The following PDS5B variants were observed in gnomAD, a reference collection of about 807,000 sequenced individuals.
PDS5B encodes the protein sister chromatid cohesion protein PDS5 homolog B.
In PDS5B, 51 loss-of-function variants were observed where a neutral mutation model predicts 184.1. That is an observed-to-expected ratio of 0.28 (90% CI 0.22 to 0.35). The LOEUF (loss-of-function observed/expected upper bound fraction) is 0.35. Ranked by LOEUF, PDS5B falls within the 10% of genes least tolerant of loss-of-function variation. The pLI, the probability that PDS5B is intolerant of heterozygous loss-of-function variation, is 1.00. For synonymous variants in PDS5B, 566 were observed against 569.2 expected (o/e 0.99, Z 0.08); for missense variants, 1,180 against 1,723.3 (o/e 0.68, Z 5.58).
chr13:32,729,093 C>T (rs1270969587), intron 19 of PDS5B, among the ~76,000 whole-genome samples: 1 of 152,182 alleles, frequency 6.6e-6, no homozygotes, highest in African/African-American at 2.4e-5. Flanking sequence ...CTCTCCCTCC[C>T]CTTGCCCCCC....
intron 3 of PDS5B, among the ~76,000 whole-genome samples, chr13:32,653,513 CT>C (rs1262377219): frequency 2.6e-5 from 4 of 152,098 alleles, no homozygotes; most frequent in Non-Finnish European, 4.4e-5. Flanking sequence ...GAGGAATGTG[CT>C]TATTTGATCA....
chr13:32,761,293 C>T (rs546545925), intron 30 of PDS5B, among the ~76,000 whole-genome samples: 47 of 152,056 alleles, frequency 3.1e-4, no homozygotes, highest in African/African-American at 1.0e-3. Context: ...TTGTATAGTA[C>T]CACGTACATA....
intron 14 of PDS5B, 61 bp from the exon 15 acceptor site, chr13:32,696,793 A>G (rs1377995275): frequency 8.7e-7 from 1 of 1,155,378 alleles, no homozygotes; most frequent in African/African-American, 1.5e-5. Context: ...TTTTTTGCAG[A>G]GTATGATGAA....
chr13:32,755,730 CGAAA>C (rs1954150592), intron 25 of PDS5B, 108 bp from the exon 26 acceptor site: 4 of 554,070 alleles, frequency 7.2e-6, no homozygotes, highest in African/African-American at 3.9e-5. Flanking sequence ...AAATATAGTA[CGAAA>C]GAAAGAGTAT....
intron 12 of PDS5B, 75 bp downstream of exon 12, chr13:32,687,360 T>C (rs1951426762): frequency 8.6e-7 from 1 of 1,158,096 alleles, no homozygotes; most frequent in Non-Finnish European, 1.2e-6. Context: ...ATGCAAACTA[T>C]TTTCTTTATG....
intron 9 of PDS5B, among the ~76,000 whole-genome samples, chr13:32,677,103 A>T (rs1951091683): frequency 6.6e-6 from 1 of 151,892 alleles, no homozygotes; most frequent in African/African-American, 2.4e-5. Flanking sequence ...AAGAGGATAT[A>T]AGTTGTGATA....
chr13:32,762,911 C>G (rs192521533), intron 30 of PDS5B, among the ~76,000 whole-genome samples: 1 of 152,196 alleles, frequency 6.6e-6, no homozygotes, highest in Admixed American at 6.5e-5. Context: ...ATTGGCTTCC[C>G]TTGTTTGCTT....
intron 23 of PDS5B, among the ~76,000 whole-genome samples, chr13:32,744,784 C>T (rs78594458): frequency 6.6e-6 from 1 of 152,134 alleles, no homozygotes; most frequent in Non-Finnish European, 1.5e-5. Flanking sequence ...TAGAAACTTA[C>T]TAATGTTGGC....
At chr13:32,692,292 A>G (rs1351538892) in intron 13 of PDS5B, among the ~76,000 whole-genome samples, 1 of 151,978 alleles carries the variant, frequency 6.6e-6, no homozygotes, top group Non-Finnish European at 1.5e-5. Flanking sequence ...GAAAAAGAGA[A>G]CAGTGTGTAC....
At chr13:32,607,866 C>T (rs10161713) in intron 1 of PDS5B, among the ~76,000 whole-genome samples, 3,604 of 152,314 alleles carry the variant, frequency 0.024, 150 homozygotes, top group African/African-American at 0.081. Context: ...GAGCCAGGTG[C>T]GGGATATAAT....
intron 1 of PDS5B, among the ~76,000 whole-genome samples, chr13:32,597,074 C>G (rs1275255557): frequency 2.6e-5 from 4 of 151,982 alleles, no homozygotes; most frequent in African/African-American, 7.3e-5. Context: ...GTCTCACTCT[C>G]CCAGGCTAGA....
At position 32,587,797 on chromosome 13, in the gene PDS5B, T is replaced by A. The variant is rs116762583; in HGVS notation, c.-20+1204T>A. 1.8e-3 allele frequency among the ~76,000 whole-genome samples: 281 copies of A among 152,374 alleles called. 1 individual carries two copies. The highest frequency in any genetic ancestry group is 6.5e-3 in the African/African-American group (272 of 41,592). On this transcript the variant is annotated intron_variant, in intron 1 of 34. Coordinates refer to ENST00000315596, the MANE Select transcript of PDS5B (RefSeq NM_015032.4). ...ATAAGAGGTGATGGATGGGCAGTGGTGCCCAGACTGATCCTACCCTGTTGA... is the reference window on the plus strand; with the variant it reads ...ATAAGAGGTGATGGATGGGCAGTGGAGCCCAGACTGATCCTACCCTGTTGA...
intron 33 of PDS5B, among the ~76,000 whole-genome samples, chr13:32,772,018 A>C (rs1954805740): frequency 1.3e-5 from 2 of 151,800 alleles, no homozygotes; most frequent in Non-Finnish European, 2.9e-5. Context: ...TTCACTGGGA[A>C]GCTCTTTCTA....
At position 32,694,301 on chromosome 13, in the gene PDS5B, C is replaced by T. The variant is rs376061268; in HGVS notation, c.1548C>T (p.Pro516=). 2 of 1,581,834 alleles carry T rather than the reference C, an allele frequency of 1.3e-6. No homozygotes were observed. Among genetic ancestry groups the T allele is most frequent in the Non-Finnish European group, 1.7e-6 (2 of 1,161,948 alleles). Residue 516 remains proline, a synonymous_variant, in exon 14 of 35, where the codon CCC becomes CCT. Coordinates refer to ENST00000315596, the MANE Select transcript of PDS5B (RefSeq NM_015032.4). ...VKDLLDLIKQ[P]KTDASVKAIF... Reference sequence around the variant, plus strand: ...ATTTGCTTGACTTGATTAAGCAACCCAAAGTAAGTAAGAATTTTTTCCTTC... The same window carrying T: ...ATTTGCTTGACTTGATTAAGCAACCTAAAGTAAGTAAGAATTTTTTCCTTC...
intron 1 of PDS5B, among the ~76,000 whole-genome samples, chr13:32,619,952 C>T (rs1324290326): frequency 6.6e-6 from 1 of 152,162 alleles, no homozygotes; most frequent in Non-Finnish European, 1.5e-5. Context: ...GGGCCCGCAA[C>T]CACGCCCAGC....
chr13:32,645,281 C>G (rs1246990742), intron 1 of PDS5B, among the ~76,000 whole-genome samples: 1 of 152,174 alleles, frequency 6.6e-6, no homozygotes, highest in Non-Finnish European at 1.5e-5. Context: ...TTGTGCCTGG[C>G]CTCTGATAGT....
intron 1 of PDS5B, among the ~76,000 whole-genome samples, chr13:32,642,853 C>T (rs1257343080): frequency 6.6e-6 from 1 of 151,922 alleles, no homozygotes; most frequent in East Asian, 1.9e-4. Context: ...TTATTTTTTC[C>T]AAGCTTGTTG....
intron 3 of PDS5B, among the ~76,000 whole-genome samples, chr13:32,655,669 C>T (rs1010611441): frequency 4.0e-5 from 6 of 151,836 alleles, no homozygotes; most frequent in African/African-American, 1.2e-4. Flanking sequence ...CTGCACCCGG[C>T]CTGCCCTCTT....
intron 14 of PDS5B, among the ~76,000 whole-genome samples, chr13:32,694,618 A>G (rs554496361): frequency 6.6e-6 from 1 of 151,986 alleles, no homozygotes; most frequent in African/African-American, 2.4e-5. Flanking sequence ...AATCGAAAGA[A>G]ATTGCACTTT....
Sources: allele counts gnomAD v4.1 joint callset (sites outside exome capture counted in the v4.1 genomes callset), GRCh38; gene constraint gnomAD v4.1.1; transcripts MANE v1.5; gene names NCBI Gene and HGNC (gene_info 2026-07-23, HGNC 2026-07-21).